AUTS2: variants seen among roughly 807,000 people sequenced by gnomAD.
AUTS2 encodes the protein activator of transcription and developmental regulator AUTS2, also known as autism susceptibility gene 2 protein.
A neutral mutation model predicts 112.4 loss-of-function variants in AUTS2; 17 were observed. The observed-to-expected ratio is 0.15, with a 90% CI of 0.10 to 0.23. The LOEUF is 0.23. Among genes scored for constraint, AUTS2 ranks in the 10% least tolerant of loss-of-function variants. The probability of loss-of-function intolerance (pLI) is 1.00; values close to 1 mark genes in which losing one functional copy is unlikely to be tolerated. For missense variants in AUTS2, 1,510 were observed against 1,701.6 expected (o/e 0.89, Z 1.98); for synonymous variants, 751 against 702.7 (o/e 1.07, Z -1.09).
intron 16 of AUTS2, chr7:70,785,332 T>C (rs1368632937): frequency 4.1e-5 from 24 of 578,850 alleles, no homozygotes; most frequent in Non-Finnish European, 9.8e-6. Flanking sequence ...AGCCTGTTCC[T>C]GCCCATTGGA....
chr7:69,751,739 A>G (rs1032061396), intron 1 of AUTS2, among the ~76,000 whole-genome samples: 21 of 152,226 alleles, frequency 1.4e-4, no homozygotes, highest in African/African-American at 4.6e-4. Context: ...GTATAGTAGT[A>G]TAGTGTTTAG....
intron 5 of AUTS2, among the ~76,000 whole-genome samples, chr7:70,633,407 T>G (rs1386448402): frequency 1.3e-5 from 2 of 151,842 alleles, no homozygotes; most frequent in African/African-American, 4.8e-5. Flanking sequence ...AAGTCAGGAG[T>G]TCGAGACCAG....
At chr7:69,909,875 T>C (rs1795286454) in intron 2 of AUTS2, among the ~76,000 whole-genome samples, 1 of 152,204 alleles carries the variant, frequency 6.6e-6, no homozygotes, top group Middle Eastern at 3.2e-3. Context: ...TACCGAATAG[T>C]TGCTAATGAA....
intron 4 of AUTS2, among the ~76,000 whole-genome samples, chr7:70,277,246 G>T (rs1226845290): frequency 6.6e-6 from 1 of 152,174 alleles, no homozygotes; most frequent in East Asian, 1.9e-4. Flanking sequence ...TGTGAAGATA[G>T]AATATAAGAC....
intron 5 of AUTS2, among the ~76,000 whole-genome samples, chr7:70,620,366 A>C (rs1804606653): frequency 6.6e-6 from 1 of 152,192 alleles, no homozygotes; most frequent in Admixed American, 6.5e-5. Flanking sequence ...GAAATTCTCC[A>C]GCGGAGCGTG....
intron 4 of AUTS2, among the ~76,000 whole-genome samples, chr7:70,318,212 G>T (rs12672930): frequency 0.35 from 52,969 of 151,830 alleles, 11,379 homozygotes; most frequent in Non-Finnish European, 0.48. Flanking sequence ...AGGTTGAGGG[G>T]GATGCCATAA....
chr7:70,405,270 G>C (rs1207858653), intron 4 of AUTS2, among the ~76,000 whole-genome samples: 2 of 152,192 alleles, frequency 1.3e-5, no homozygotes, highest in Non-Finnish European at 2.9e-5. Flanking sequence ...TCAGAATTCA[G>C]AATCATGAAA....
intron 1 of AUTS2, among the ~76,000 whole-genome samples, chr7:69,604,663 G>GTTAGGAA (rs1297353954): frequency 1.3e-5 from 2 of 152,224 alleles, no homozygotes; most frequent in Non-Finnish European, 2.9e-5. Context: ...GGAACAAGAT[G>GTTAGGAA]CTACATGGTT....
intron 2 of AUTS2, among the ~76,000 whole-genome samples, chr7:70,058,266 T>A (rs942348634): frequency 1.3e-5 from 2 of 152,224 alleles, no homozygotes; most frequent in African/African-American, 4.8e-5. Context: ...GCCAGCTGTG[T>A]AAGGACTTAT....
At chr7:69,925,026 A>G (rs1795952601) in intron 2 of AUTS2, among the ~76,000 whole-genome samples, 1 of 152,160 alleles carries the variant, frequency 6.6e-6, no homozygotes, top group Non-Finnish European at 1.5e-5. Context: ...CTTTTCAAGG[A>G]ATTTTTTCAT....
chr7:70,293,305 G>A (rs866856018), intron 4 of AUTS2: 2 of 152,178 alleles, frequency 1.3e-5, no homozygotes, highest in Non-Finnish European at 2.9e-5. Context: ...CACTTCCTAA[G>A]TTAAGATACT....
At chr7:70,112,844 A>G (rs186885643) in intron 2 of AUTS2, among the ~76,000 whole-genome samples, 1 of 152,118 alleles carries the variant, frequency 6.6e-6, no homozygotes, top group East Asian at 1.9e-4. Flanking sequence ...TTATTTTTAA[A>G]TGGGAGCTTA....
At chr7:70,211,987 A>AAG (rs926006805) in intron 4 of AUTS2, among the ~76,000 whole-genome samples, 2 of 152,088 alleles carry the variant, frequency 1.3e-5, no homozygotes, top group East Asian at 1.9e-4. Flanking sequence ...CTCCGTCTCA[A>AAG]AGAGAGAGAG....
intron 2 of AUTS2, among the ~76,000 whole-genome samples, chr7:70,076,475 A>G (rs889289863): frequency 3.3e-5 from 5 of 152,212 alleles, no homozygotes; most frequent in Non-Finnish European, 5.9e-5. Context: ...CCAAGAACCT[A>G]TTGACTGTGC....
At chr7:69,898,305 A>C (rs1021044805) in intron 1 of AUTS2, among the ~76,000 whole-genome samples, 9 of 152,220 alleles carry the variant, frequency 5.9e-5, no homozygotes, top group Admixed American at 5.9e-4. Context: ...TAGATCCACT[A>C]GTTTCCAAAT....
At chr7:70,178,765 C>G (rs1809140378) in intron 4 of AUTS2, among the ~76,000 whole-genome samples, 1 of 151,974 alleles carries the variant, frequency 6.6e-6, no homozygotes, top group African/African-American at 2.4e-5. Context: ...GTGCTGCTCA[C>G]TCCAACCTGG....
chr7:69,747,820 A>AT (rs1787567072), intron 1 of AUTS2, among the ~76,000 whole-genome samples: 5 of 91,876 alleles, frequency 5.4e-5, no homozygotes, highest in Admixed American at 2.1e-4. Flanking sequence ...TGTGTGTATG[A>AT]GAGAGAGAGA....
intron 5 of AUTS2, among the ~76,000 whole-genome samples, chr7:70,586,628 A>G (rs1412587737): frequency 1.3e-5 from 2 of 152,154 alleles, no homozygotes; most frequent in South Asian, 2.1e-4. Context: ...ATGCCTGCCC[A>G]TTGCATTGAT....
At chr7:70,724,603 G>A (rs1046069170) in intron 6 of AUTS2, among the ~76,000 whole-genome samples, 4 of 151,746 alleles carry the variant, frequency 2.6e-5, no homozygotes, top group Non-Finnish European at 4.4e-5. Flanking sequence ...CTACCACCAC[G>A]CCCGGCTAAT....
Sources: allele counts gnomAD v4.1 joint callset (sites outside exome capture counted in the v4.1 genomes callset), GRCh38; gene constraint gnomAD v4.1.1; transcripts MANE v1.5; gene names NCBI Gene and HGNC (gene_info 2026-07-23, HGNC 2026-07-21).